The following SAMTOR variants were observed in gnomAD, a reference collection of about 807,000 sequenced individuals.
SAMTOR encodes S-adenosylmethionine sensor upstream of mTORC1, also known as UPF0532 protein C7orf60.
chr7:112,880,812 C>T, the SAMTOR span, among the ~76,000 whole-genome samples: 1 of 152,134 alleles, frequency 6.6e-6, no homozygotes, highest in African/African-American at 2.4e-5. Context: ...CACTGAAATA[C>T]TTACAATTTT....
the SAMTOR span, among the ~76,000 whole-genome samples, chr7:112,912,983 C>T: frequency 2.4e-4 from 36 of 152,250 alleles, no homozygotes; most frequent in Admixed American, 5.2e-4. Flanking sequence ...AAGCACTACG[C>T]TAAAATCCAA....
chr7:112,841,180 C>T, the SAMTOR span, among the ~76,000 whole-genome samples: 1 of 152,046 alleles, frequency 6.6e-6, no homozygotes, highest in Non-Finnish European at 1.5e-5. Context: ...ATTTAGAAAA[C>T]CCCATCGTCT....
the SAMTOR span, chr7:112,939,720 C>G: frequency 4.4e-6 from 7 of 1,607,316 alleles, no homozygotes; most frequent in African/African-American, 9.3e-5. Context: ...TGCGCACGAG[C>G]AGTATTTCGG....
chr7:112,821,411 C>A, the SAMTOR span: 1 of 172,478 alleles, frequency 5.8e-6, no homozygotes, highest in East Asian at 1.6e-4. Context: ...GGTTTATAGT[C>A]AACACTGAAA....
the SAMTOR span, among the ~76,000 whole-genome samples, chr7:112,887,374 C>A: frequency 6.6e-6 from 1 of 151,680 alleles, no homozygotes; most frequent in Non-Finnish European, 1.5e-5. Flanking sequence ...TTTATACAAT[C>A]AGTCAGGAAC....
At chr7:112,820,017 A>G in the SAMTOR span, 1 of 152,532 alleles carries the variant, frequency 6.6e-6, no homozygotes, top group African/African-American at 2.4e-5. Context: ...ACTGGAAAGA[A>G]CAGTCAATCC....
At chr7:112,852,238 T>A in the SAMTOR span, among the ~76,000 whole-genome samples, 1,626 of 152,258 alleles carry the variant, frequency 0.011, 30 homozygotes, top group African/African-American at 0.037. Flanking sequence ...ACAGAAAATG[T>A]GGTGTATATA....
chr7:112,914,434 G>A, the SAMTOR span, among the ~76,000 whole-genome samples: 4 of 151,956 alleles, frequency 2.6e-5, no homozygotes, highest in African/African-American at 9.7e-5. Context: ...TTTAAGTTTA[G>A]TCAATATACT....
chr7:112,934,046 T>C, the SAMTOR span, among the ~76,000 whole-genome samples: 1 of 152,220 alleles, frequency 6.6e-6, no homozygotes, highest in African/African-American at 2.4e-5. Flanking sequence ...TTACGTTTTC[T>C]TGAGGACTTT....
chr7:112,831,146 A>T, the SAMTOR span, among the ~76,000 whole-genome samples: 2 of 152,228 alleles, frequency 1.3e-5, no homozygotes, highest in Non-Finnish European at 2.9e-5. Context: ...ATACTTTAAA[A>T]ATAACATTAA....
chr7:112,870,237 G>A, the SAMTOR span, among the ~76,000 whole-genome samples: 1 of 151,940 alleles, frequency 6.6e-6, no homozygotes, highest in Non-Finnish European at 1.5e-5. Context: ...CCATCCCCAA[G>A]GCACATAGTC....
the SAMTOR span, among the ~76,000 whole-genome samples, chr7:112,833,757 C>T: frequency 5.9e-5 from 9 of 152,270 alleles, no homozygotes; most frequent in Admixed American, 1.3e-4. Context: ...CATGGATTAG[C>T]TTAATAACTG....
At chr7:112,867,925 C>T in the SAMTOR span, among the ~76,000 whole-genome samples, 1 of 152,194 alleles carries the variant, frequency 6.6e-6, no homozygotes, top group African/African-American at 2.4e-5. Flanking sequence ...ACCACCTGAG[C>T]TCTGCCTTCT....
the SAMTOR span, among the ~76,000 whole-genome samples, chr7:112,891,182 C>A: frequency 6.6e-6 from 1 of 151,954 alleles, no homozygotes; most frequent in African/African-American, 2.4e-5. Context: ...CTTTAACTGG[C>A]CAACACTTAA....
the SAMTOR span, chr7:112,821,276 G>GA: frequency 6.6e-6 from 1 of 152,422 alleles, no homozygotes; most frequent in Non-Finnish European, 1.5e-5. Context: ...ATTTTAGTTA[G>GA]AAAAAAGAAA....
the SAMTOR span, among the ~76,000 whole-genome samples, chr7:112,904,374 T>C: frequency 3.7e-4 from 57 of 152,160 alleles, no homozygotes; most frequent in African/African-American, 1.3e-3. Flanking sequence ...AAATGAGAAT[T>C]AACCAAAAAC....
At chr7:112,895,380 A>G in the SAMTOR span, among the ~76,000 whole-genome samples, 2 of 152,128 alleles carry the variant, frequency 1.3e-5, no homozygotes, top group African/African-American at 4.8e-5. Flanking sequence ...CAGAACCACT[A>G]GTTTTCCAGA....
At chr7:112,876,660 A>C in the SAMTOR span, among the ~76,000 whole-genome samples, 1 of 152,154 alleles carries the variant, frequency 6.6e-6, no homozygotes, top group African/African-American at 2.4e-5. Context: ...CCCATATAAC[A>C]GTGTATGGAT....
chr7:112,865,865 G>C, the SAMTOR span, among the ~76,000 whole-genome samples: 12 of 148,960 alleles, frequency 8.1e-5, no homozygotes, highest in African/African-American at 2.5e-4. Context: ...GGGAGGTTGA[G>C]GGGAAGGACT....
Sources: gnomAD v4.1 joint callset for allele counts (sites outside exome capture counted in the v4.1 genomes callset) on GRCh38, gnomAD v4.1.1 for gene constraint, MANE v1.5 for transcripts, NCBI Gene and HGNC (gene_info 2026-07-23, HGNC 2026-07-21) for gene names.